Variants in SLC3A1 observed in about 807,000 individuals in gnomAD.
SLC3A1 encodes the protein amino acid transporter heavy chain SLC3A1.
SLC3A1 carries 78 observed loss-of-function variants against 60.3 expected under a neutral mutation model. The observed-to-expected ratio is 1.29, with a 90% confidence interval of 1.08 to 1.56. The LOEUF (loss-of-function observed/expected upper bound fraction) is 1.56. Among genes scored for constraint, SLC3A1 ranks in the 40% most tolerant of loss-of-function variants. SLC3A1 has a pLI of 0.00. For synonymous variants in SLC3A1, 392 were observed against 307.9 expected (o/e 1.27, Z -2.86); for missense variants, 1,172 against 858.9 (o/e 1.36, Z -4.56).
intron 7 of SLC3A1, among the ~76,000 whole-genome samples, chr2:44,305,084 C>T (rs1274973232): frequency 6.6e-6 from 1 of 152,108 alleles, no homozygotes; most frequent in Non-Finnish European, 1.5e-5. Context: ...GCCTGCCCAC[C>T]TTGGTCTCCC....
In SLC3A1 at chr2:44,313,845, G is replaced by T; in HGVS notation, c.1511G>T (p.Arg504Leu). Residue 504 changes from arginine to leucine, a missense_variant, in exon 9 of 10, where the codon CGC becomes CTC. Arg to Leu is a moderately radical substitution (Grantham distance 102). Transcript: ENST00000260649. The stretch of plus-strand genomic sequence containing the variant: ...GGTCTTTTGACATAGAATACCCTTC[G>T]CTCAAAGTCACCAATGCAGTGGGAC... ...LNESYDINTL[R>L]SKSPMQWDNS... The T allele has an allele frequency of 6.2e-7, 1 of 1,613,492 alleles. No homozygotes were observed. The highest frequency in any genetic ancestry group is 8.5e-7 in the Non-Finnish European group (1 of 1,179,518).
Position 44,281,534 on chromosome 2 carries a change from A to G in SLC3A1, c.758A>G (p.Asn253Ser), listed in dbSNP as rs772079408. The stretch of plus-strand genomic sequence containing the variant: ...GAAAATGGCAAAACCATTCCACCCA[A>G]CAACTGGGTAAGTATCAACCTGTCT... ...THENGKTIPP[N>S]NWLSVYGNSS... Residue 253 changes from asparagine to serine, a missense_variant, in exon 3 of 10, where the codon AAC becomes AGC. Transcript: ENST00000260649. 1.2e-6 allele frequency: 2 copies of G among 1,613,902 alleles called. No individual in the cohort carries two copies. Among genetic ancestry groups the G allele is most frequent in the Admixed American group, 3.3e-5 (2 of 59,992 alleles).
intron 7 of SLC3A1, among the ~76,000 whole-genome samples, chr2:44,305,431 T>G (rs1672130417): frequency 7.1e-6 from 1 of 140,168 alleles, no homozygotes; most frequent in African/African-American, 2.9e-5. Context: ...TTCTTACTTT[T>G]TTTTTTTTTT....
At chr2:44,303,569 G>T (rs1251692756) in intron 6 of SLC3A1, among the ~76,000 whole-genome samples, 1 of 147,142 alleles carries the variant, frequency 6.8e-6, no homozygotes, top group African/African-American at 2.5e-5. Flanking sequence ...TGGGGGGGGT[G>T]GATTTTTCTG....
intron 4 of SLC3A1, among the ~76,000 whole-genome samples, chr2:44,299,380 A>G (rs1006504319): frequency 6.6e-6 from 1 of 152,160 alleles, no homozygotes; most frequent in Admixed American, 6.5e-5. Flanking sequence ...AGACAACACT[A>G]GTATCTGAGT....
chr2:44,321,950 T>A (rs369872746), downstream of SLC3A1: 14 of 1,543,782 alleles, frequency 9.1e-6, no homozygotes, highest in East Asian at 9.1e-5. Context: ...GGGATCTTCT[T>A]TGGAAGATCG....
In SLC3A1 at chr2:44,304,135, TCTTA is replaced by T; in HGVS notation, c.1137-7_1137-4del. The T allele has an allele frequency of 9.9e-6, 16 of 1,613,138 alleles. No homozygotes were observed. The highest frequency in any genetic ancestry group is 1.4e-5 in the Non-Finnish European group (16 of 1,179,072). ...CCCGATGACACTGAACCTTGTCAAC[TCTTA>T]TAGGTTCATGGGGACTGAAGCCTAT... is the stretch of plus-strand genomic sequence containing the variant. On this transcript the variant is annotated splice_polypyrimidine_tract_variant and splice_region_variant and intron_variant, in intron 6 of 9. Transcript: ENST00000260649.
chr2:44,292,728 T>C (rs1301831830), intron 4 of SLC3A1, among the ~76,000 whole-genome samples: 1 of 151,900 alleles, frequency 6.6e-6, no homozygotes, highest in Non-Finnish European at 1.5e-5. Context: ...TCGTGACACA[T>C]TAGAGGTGCT....
intron 1 of SLC3A1, among the ~76,000 whole-genome samples, chr2:44,280,208 A>T (rs1332859345): frequency 2.6e-5 from 4 of 152,160 alleles, no homozygotes; most frequent in African/African-American, 4.8e-5. Flanking sequence ...GTTAAATGTC[A>T]TCGATTACTG....
At chr2:44,301,261 T>A in intron 6 of SLC3A1, 134 bp downstream of exon 6, 1 of 1,188,254 alleles carries the variant, frequency 8.4e-7, no homozygotes, top group African/African-American at 1.5e-5. Context: ...GATTACAGTT[T>A]GGTTGTACCA....
chr2:44,278,261 G>A (rs879739620), intron 1 of SLC3A1, among the ~76,000 whole-genome samples: 2 of 151,812 alleles, frequency 1.3e-5, no homozygotes, highest in Admixed American at 6.6e-5. Context: ...TGGCTAACAC[G>A]GTGAAACCCC....
intron 1 of SLC3A1, among the ~76,000 whole-genome samples, chr2:44,279,159 C>T (rs1396375657): frequency 6.6e-6 from 1 of 152,026 alleles, no homozygotes; most frequent in African/African-American, 2.4e-5. Flanking sequence ...CCATCGTCCC[C>T]AGCTAATTTT....
At chr2:44,287,636 G>C (rs1237678497) in intron 4 of SLC3A1, among the ~76,000 whole-genome samples, 2 of 152,142 alleles carry the variant, frequency 1.3e-5, no homozygotes, top group African/African-American at 4.8e-5. Flanking sequence ...TTAGGGCGCT[G>C]AAGTAAGAGG....
In SLC3A1 at chr2:44,275,514, C is replaced by G; in HGVS notation, c.-22C>G. 1 of 1,609,812 alleles carries G rather than the reference C, an allele frequency of 6.2e-7. No homozygotes were observed. The highest frequency in any genetic ancestry group is 2.2e-5 in the East Asian group (1 of 44,848). ...CCTCCCTTACTGCAGGAAGGCACTC[C>G]GAAGACATAAGTCGGTGAGACATGG... On this transcript the variant is annotated 5_prime_UTR_variant, in exon 1 of 10. Coordinates refer to ENST00000260649, the MANE Select transcript of SLC3A1 (RefSeq NM_000341.4).
intron 4 of SLC3A1, among the ~76,000 whole-genome samples, chr2:44,288,240 G>C (rs1340527233): frequency 6.6e-6 from 1 of 152,006 alleles, no homozygotes; most frequent in African/African-American, 2.4e-5. Flanking sequence ...TGGCCAGGCT[G>C]GTCTCAAACT....
chr2:44,312,299 T>C (rs1281768022), intron 7 of SLC3A1, among the ~76,000 whole-genome samples: 1 of 152,234 alleles, frequency 6.6e-6, no homozygotes, highest in Non-Finnish European at 1.5e-5. Flanking sequence ...CCTGTCAATA[T>C]TCTCTTATCC....
intron 3 of SLC3A1, chr2:44,285,769 T>A (rs1375014516): frequency 3.2e-6 from 2 of 626,676 alleles, no homozygotes; most frequent in Non-Finnish European, 3.0e-6. Flanking sequence ...TGACCTTGTC[T>A]TGGGTTTGAG....
At position 44,311,797 on chromosome 2, in the gene SLC3A1, C is replaced by G. The variant is rs73927007; in HGVS notation, c.1333-789C>G. Among the ~76,000 whole-genome samples the G allele has an allele frequency of 2.0e-5, 3 of 151,264 alleles. No homozygotes were observed. The East Asian group carries it at 5.8e-4, about 29-fold the overall frequency. ...TCTTGTCCTAAGACTCAAGTTCGAA[C>G]GCTAGTTCTGTCTTAGACTACTACT... is the stretch of plus-strand genomic sequence containing the variant. On this transcript the variant is annotated intron_variant, in intron 7 of 9. Transcript: ENST00000260649.
chr2:44,292,003 A>G (rs4952709), intron 4 of SLC3A1, among the ~76,000 whole-genome samples: 107,474 of 152,084 alleles, frequency 0.71, 38,718 homozygotes, highest in Non-Finnish European at 0.78. Flanking sequence ...ATATATTTGT[A>G]TAATACTTTA....
Sources: allele counts gnomAD v4.1 joint callset (sites outside exome capture counted in the v4.1 genomes callset), GRCh38; gene constraint gnomAD v4.1.1; transcripts MANE v1.5; gene names NCBI Gene and HGNC (gene_info 2026-07-23, HGNC 2026-07-21).